Variants in PEX26 observed in about 807,000 individuals in gnomAD.
PEX26 encodes the protein peroxisome assembly protein 26.
In PEX26, 18 loss-of-function variants were observed where a neutral mutation model predicts 31.4. That is an observed-to-expected ratio of 0.57 (90% CI 0.40 to 0.85). The LOEUF is 0.85. PEX26 is among the 40% of genes least tolerant of loss of function. PEX26 has a pLI of 0.00. For synonymous variants in PEX26, 176 were observed against 166.9 expected, an observed-to-expected ratio of 1.05 and a Z score of -0.42; for missense variants, 377 against 383.9, an observed-to-expected ratio of 0.98 and a Z score of 0.15.
Position 18,088,590 on chromosome 22 carries a change from C to G in PEX26, c.*515C>G, listed in dbSNP as rs1323913344. ...GGCCAGGAGTTCAAAACCTGCCTGGCCAACATGGTGAAACCCCATCTCTAC... is the reference window on the plus strand; with the variant it reads ...GGCCAGGAGTTCAAAACCTGCCTGGGCAACATGGTGAAACCCCATCTCTAC... On this transcript the variant is annotated 3_prime_UTR_variant, in exon 5 of 5. Transcript: ENST00000399744. The surrounding 1 kb of genome is among the most constrained non-coding windows in gnomAD (Gnocchi z 4.1). The G allele has an allele frequency of 4.5e-6, 1 of 220,950 alleles. No individual in the cohort carries two copies. Among genetic ancestry groups the G allele is most frequent in the Admixed American group, 5.1e-5 (1 of 19,500 alleles). The allele number at this position is 220,950 out of a possible 1,614,324, so 13.7% of individuals were successfully genotyped here. A position where few individuals can be genotyped will look rare whatever the true frequency, so the allele number is the denominator to read the frequency against.
Position 18,080,056 on chromosome 22 carries a change from A to C in PEX26, c.371+42A>C, listed in dbSNP as rs147168249. On this transcript the variant is annotated intron_variant, in intron 2 of 4. Coordinates refer to ENST00000399744, the MANE Select transcript of PEX26 (RefSeq NM_001127649.3). ...GACTCATCAGATCGGTTCAGAAACG[A>C]GAGGATTTTCATCTCCTCTCCTAAA... The C allele has an allele frequency of 6.2e-5, 100 of 1,609,668 alleles. 2 individuals are homozygous for C. The African/African-American group carries it at 9.6e-4, about 15-fold the overall frequency.
intron 3 of PEX26, among the ~76,000 whole-genome samples, chr22:18,084,437 G>A (rs1319181729): frequency 2.6e-5 from 4 of 151,954 alleles, no homozygotes; most frequent in Non-Finnish European, 5.9e-5. Context: ...TAGAGACGGG[G>A]TTTCACCGTG....
chr22:18,078,793 C>G, intron 1 of PEX26, 187 bp downstream of exon 1: 1 of 715,312 alleles, frequency 1.4e-6, no homozygotes, highest in South Asian at 1.5e-5. Flanking sequence ...AGTCGTGTAA[C>G]AAAAACTTAG....
At position 18,079,992 on chromosome 22, in the gene PEX26, C is replaced by T; in HGVS notation, c.349C>T (p.Pro117Ser). ...LQYYQVPEKL[P>S]PKVLELCILL... ...GTATTACCAGGTCCCTGAAAAGCTACCCCCCAAAGTCCTGGAGCTGTGGTA... is the reference window on the plus strand; with the variant it reads ...GTATTACCAGGTCCCTGAAAAGCTATCCCCCAAAGTCCTGGAGCTGTGGTA... Residue 117 changes from proline (P) to serine (S), a missense_variant, in exon 2 of 5, where the codon CCC becomes TCC. Pro to Ser is a moderately conservative substitution (Grantham distance 74). Coordinates refer to ENST00000399744, the MANE Select transcript of PEX26 (RefSeq NM_001127649.3). 2 of 1,614,084 alleles carry T rather than the reference C, an allele frequency of 1.2e-6. No individual in the cohort carries two copies. The highest frequency in any genetic ancestry group is 1.3e-5 in the African/African-American group (1 of 75,024).
At chr22:18,083,357 G>A in intron 2 of PEX26, 80 bp from the exon 3 acceptor site, 1 of 1,411,206 alleles carries the variant, frequency 7.1e-7, no homozygotes, top group African/African-American at 1.4e-5. Context: ...GATAGGAGAA[G>A]CATAGTGGTC....
Position 18,078,076 on chromosome 22 carries a change from G to A in PEX26, c.-301G>A, listed in dbSNP as rs756861848. On this transcript the variant is annotated 5_prime_UTR_variant, in exon 1 of 5. Coordinates refer to ENST00000399744, the MANE Select transcript of PEX26 (RefSeq NM_001127649.3). The stretch of plus-strand genomic sequence containing the variant: ...AGTCTTTGATCGTAACCAGGAGCCC[G>A]GAGCTGAGGCAGTTCCTGCACGTGT... 5 of 566,732 alleles carry A rather than the reference G, an allele frequency of 8.8e-6. No individual in the cohort carries two copies. The highest frequency in any genetic ancestry group is 1.5e-5 in the South Asian group (1 of 65,566). The allele number at this position is 566,732 out of a possible 1,614,324, so 35.1% of individuals were successfully genotyped here.
chr22:18,096,549 G>A lies in PEX26; in HGVS notation c.*8474G>A, dbSNP rs796156924. On this transcript the variant is annotated 3_prime_UTR_variant, in exon 5 of 5. Coordinates refer to ENST00000399744, the MANE Select transcript of PEX26 (RefSeq NM_001127649.3). ...TTCTTCTGCCTCAGCCTCCCGAATA[G>A]CTGGGACTACAGGCGCCCGCCACCA... is the stretch of plus-strand genomic sequence containing the variant. The A allele has an allele frequency of 1.5e-4, 23 of 152,014 alleles. No individual in the cohort carries two copies. The highest frequency in any genetic ancestry group is 5.3e-4 in the African/African-American group (22 of 41,398). The allele number at this position is 152,014 out of a possible 1,614,324, so 9.4% of individuals were successfully genotyped here. A position where few individuals can be genotyped will look rare whatever the true frequency, so the allele number is the denominator to read the frequency against.
In PEX26 at chr22:18,087,874, CTA is replaced by C. The variant is rs1278026646; in HGVS notation, c.815-96_815-95del. 25 of 828,568 alleles carry C rather than the reference CTA, an allele frequency of 3.0e-5. No individual in the cohort carries two copies. In the East Asian group the frequency reaches 5.8e-4, roughly 19 times the overall value. 51.3% of individuals were successfully genotyped at this position (828,568 alleles called of 1,614,324 possible). ...TCTAAAAAAAACAAAACAAAACCAA[CTA>C]TGTGTAATTGGTAGTGGAGTCTCCC... On this transcript the variant is annotated intron_variant, in intron 4 of 4. Transcript: ENST00000399744.
Position 18,079,986 on chromosome 22 carries a change from A to G in PEX26, c.343A>G (p.Lys115Glu), listed in dbSNP as rs1926487498. 1 of 1,614,070 alleles carries G rather than the reference A, an allele frequency of 6.2e-7. No homozygotes were observed. The highest frequency in any genetic ancestry group is 8.5e-7 in the Non-Finnish European group (1 of 1,180,008). ...WVLQYYQVPEKLPPKVLELCI... is the reference protein window; with the variant it reads ...WVLQYYQVPEELPPKVLELCI... Reference sequence around the variant, plus strand: ...CCTTCAGTATTACCAGGTCCCTGAAAAGCTACCCCCCAAAGTCCTGGAGCT... The same window carrying G: ...CCTTCAGTATTACCAGGTCCCTGAAGAGCTACCCCCCAAAGTCCTGGAGCT... The change falls in exon 2 of 5, where the codon AAG (lysine) becomes GAG (glutamate). Residue 115 changes from lysine (K) to glutamate (E), a missense_variant. Physicochemically the swap from Lys to Glu is moderately conservative, Grantham distance 56. Coordinates refer to ENST00000399744, the MANE Select transcript of PEX26 (RefSeq NM_001127649.3).
chr22:18,097,558 T>C lies in PEX26; in HGVS notation c.*9483T>C, dbSNP rs456448. ...GATTACAGGCATGAGCCACCGTGCCTGGCCACAGCCATTAGTTTTAAATTT... is the reference window on the plus strand; with the variant it reads ...GATTACAGGCATGAGCCACCGTGCCCGGCCACAGCCATTAGTTTTAAATTT... On this transcript the variant is annotated 3_prime_UTR_variant, in exon 5 of 5. Transcript: ENST00000399744. The C allele has an allele frequency of 0.68, 103,319 of 151,874 alleles. 35,424 individuals carry two copies. The highest frequency in any genetic ancestry group is 0.72 in the Non-Finnish European group (49,076 of 67,980). 9.4% of individuals were successfully genotyped at this position (151,874 alleles called of 1,614,324 possible).
At position 18,101,743 on chromosome 22, in the gene PEX26, T is replaced by C; in HGVS notation, c.*13668T>C. 4.1e-6 allele frequency: 1 copy of C among 246,772 alleles called. No homozygotes were observed. The highest frequency in any genetic ancestry group is 5.4e-5 in the Admixed American group (1 of 18,644). 15.3% of individuals were successfully genotyped at this position (246,772 alleles called of 1,614,324 possible). A position where few individuals can be genotyped will look rare whatever the true frequency, so the allele number is the denominator to read the frequency against. On this transcript the variant is annotated 3_prime_UTR_variant, in exon 5 of 5. Coordinates refer to ENST00000399744, the MANE Select transcript of PEX26 (RefSeq NM_001127649.3). ...AAGACCTGGCATTACAATGGCCTCATCCTGCATGTGGGCAAGTCAGCTCTC... is the reference window on the plus strand; with the variant it reads ...AAGACCTGGCATTACAATGGCCTCACCCTGCATGTGGGCAAGTCAGCTCTC...
intron 4 of PEX26, among the ~76,000 whole-genome samples, chr22:18,086,965 T>C (rs11703511): frequency 0.12 from 17,972 of 152,046 alleles, 1,243 homozygotes; most frequent in South Asian, 0.21. Context: ...CAGGCTGGAG[T>C]GCACCGGCGT....
chr22:18,101,755 G>A lies in PEX26; in HGVS notation c.*13680G>A. On this transcript the variant is annotated 3_prime_UTR_variant, in exon 5 of 5. Transcript: ENST00000399744. ...TACAATGGCCTCATCCTGCATGTGG[G>A]CAAGTCAGCTCTCTGATGGATGGTG... 2 of 233,500 alleles carry A rather than the reference G, an allele frequency of 8.6e-6. No homozygotes were observed. The highest frequency in any genetic ancestry group is 8.3e-6 in the Non-Finnish European group (1 of 120,432). 14.5% of individuals were successfully genotyped at this position (233,500 alleles called of 1,614,324 possible). A position where few individuals can be genotyped will look rare whatever the true frequency, so the allele number is the denominator to read the frequency against.
intron 1 of PEX26, chr22:18,079,160 C>T (rs1926444105): frequency 1.0e-6 from 1 of 953,738 alleles, no homozygotes; most frequent in Non-Finnish European, 1.2e-6. Flanking sequence ...CATAATGAGC[C>T]CTCTTCTCTA....
At chr22:18,084,151 C>T (rs17207360) in intron 3 of PEX26, among the ~76,000 whole-genome samples, 19,226 of 151,918 alleles carry the variant, frequency 0.13, 1,430 homozygotes, top group South Asian at 0.22. Context: ...TTTCCCTGGT[C>T]GCTGAATCTT....
chr22:18,078,033 C>G lies in PEX26; in HGVS notation c.-344C>G. 2.0e-6 allele frequency: 1 copy of G among 489,206 alleles called. No individual in the cohort carries two copies. The highest frequency in any genetic ancestry group is 4.0e-6 in the Non-Finnish European group (1 of 251,454). 30.3% of individuals were successfully genotyped at this position (489,206 alleles called of 1,614,324 possible). On this transcript the variant is annotated 5_prime_UTR_variant, in exon 1 of 5. Transcript: ENST00000399744. The stretch of plus-strand genomic sequence containing the variant: ...GCGAGCGCAAAGATGTCCGCGCCCG[C>G]TGCCGGGAGGCGAGGTGAGTCTTTG...
Position 18,078,428 on chromosome 22 carries a change from C to G in PEX26, c.52C>G (p.Pro18Ala), listed in dbSNP as rs924635830. 6.3e-7 allele frequency: 1 copy of G among 1,587,462 alleles called. No homozygotes were observed. The highest frequency in any genetic ancestry group is 1.1e-5 in the South Asian group (1 of 88,714). The change falls in exon 1 of 5, where the codon CCC (proline) becomes GCC (alanine). Residue 18 changes from proline (P) to alanine (A), a missense_variant. Physicochemically the swap from Pro to Ala is conservative, Grantham distance 27 (BLOSUM62 -1). Coordinates refer to ENST00000399744, the MANE Select transcript of PEX26 (RefSeq NM_001127649.3). Reference sequence around the variant, plus strand: ...AGCCCCCCTCAGGGGGCTCGGGGGACCCCTGCGCAGCAGCGAGCCGGTGCG... The same window carrying G: ...AGCCCCCCTCAGGGGGCTCGGGGGAGCCCTGCGCAGCAGCGAGCCGGTGCG... ...SAAPLRGLGG[P>A]LRSSEPVRAV...
chr22:18,091,951 GTTTC>G lies in PEX26; in HGVS notation c.*3882_*3885del, dbSNP rs1927115041. The stretch of plus-strand genomic sequence containing the variant: ...GGCCAGTTCACACTCTGGACGTTCA[GTTTC>G]TTTCTACATCTAGAAGGTGGCCTCT... On this transcript the variant is annotated 3_prime_UTR_variant, in exon 5 of 5. Transcript: ENST00000399744. 1 of 152,240 alleles carries G rather than the reference GTTTC, an allele frequency of 6.6e-6. No individual in the cohort carries two copies. The highest frequency in any genetic ancestry group is 2.4e-5 in the African/African-American group (1 of 41,464). The allele number at this position is 152,240 out of a possible 1,614,324, so 9.4% of individuals were successfully genotyped here. A position where few individuals can be genotyped will look rare whatever the true frequency, so the allele number is the denominator to read the frequency against.
At chr22:18,081,220 C>G (rs8135145) in intron 2 of PEX26, among the ~76,000 whole-genome samples, 40,369 of 141,964 alleles carry the variant, frequency 0.28, 5,889 homozygotes, top group African/African-American at 0.37. Context: ...CATATATACA[C>G]ATAATATACA....
Sources: allele counts gnomAD v4.1 joint callset (sites outside exome capture counted in the v4.1 genomes callset), GRCh38; gene constraint gnomAD v4.1.1; non-coding constraint Gnocchi (gnomAD v3.1); transcripts MANE v1.5; gene names NCBI Gene and HGNC (gene_info 2026-07-23, HGNC 2026-07-21).